SEMA6D: variants seen among roughly 807,000 people sequenced by gnomAD.
SEMA6D encodes semaphorin-6D.
In SEMA6D, 35 loss-of-function variants were observed where a neutral mutation model predicts 106.6. The observed-to-expected ratio is 0.33, with a 90% CI of 0.25 to 0.44. SEMA6D has a LOEUF of 0.44. Ranked by LOEUF, SEMA6D falls within the 20% of genes least tolerant of loss-of-function variation. The pLI, the probability that SEMA6D is intolerant of heterozygous loss-of-function variation, is 1.00. For missense variants in SEMA6D, 1,185 were observed against 1,345.9 expected (o/e 0.88, Z 1.87); for synonymous variants, 499 against 487.7 (o/e 1.02, Z -0.31).
chr15:47,245,076 C>T (rs2033130234), intron 1 of SEMA6D, among the ~76,000 whole-genome samples: 1 of 151,654 alleles, frequency 6.6e-6, no homozygotes, highest in African/African-American at 2.4e-5. Context: ...ATATACTTAC[C>T]ACATTTTCTT....
chr15:47,643,107 A>G (rs1384038913), intron 4 of SEMA6D, among the ~76,000 whole-genome samples: 1 of 152,186 alleles, frequency 6.6e-6, no homozygotes, highest in Non-Finnish European at 1.5e-5. Flanking sequence ...ACATGAGGAA[A>G]GGAGGTGTAA....
intron 1 of SEMA6D, among the ~76,000 whole-genome samples, chr15:47,269,305 A>T (rs1159781524): frequency 6.6e-6 from 1 of 151,998 alleles, no homozygotes; most frequent in South Asian, 2.1e-4. Flanking sequence ...AGTGCACCAG[A>T]TGAGCTCTAT....
chr15:47,528,287 G>T (rs954591902), intron 3 of SEMA6D, among the ~76,000 whole-genome samples: 2 of 152,182 alleles, frequency 1.3e-5, no homozygotes, highest in African/African-American at 2.4e-5. Flanking sequence ...ACTAAGATGA[G>T]AATTCCCAAG....
chr15:47,379,686 A>G (rs1194059998), intron 1 of SEMA6D, among the ~76,000 whole-genome samples: 1 of 152,226 alleles, frequency 6.6e-6, no homozygotes, highest in East Asian at 1.9e-4. Flanking sequence ...AATGAGAGAA[A>G]TAGTCTTCAC....
chr15:47,506,187 A>G (rs978320505), intron 3 of SEMA6D, among the ~76,000 whole-genome samples: 79 of 152,226 alleles, frequency 5.2e-4, no homozygotes, highest in African/African-American at 1.8e-3. Context: ...CTCCAGGGAG[A>G]AAATTTCCTG....
At chr15:47,495,366 C>T (rs924178353) in intron 3 of SEMA6D, among the ~76,000 whole-genome samples, 3 of 151,900 alleles carry the variant, frequency 2.0e-5, no homozygotes, top group African/African-American at 7.3e-5. Context: ...ACTCATGGAG[C>T]TGATTCAACT....
chr15:47,423,262 A>G (rs1422576473), intron 2 of SEMA6D, among the ~76,000 whole-genome samples: 1 of 152,132 alleles, frequency 6.6e-6, no homozygotes, highest in African/African-American at 2.4e-5. Context: ...ATAGAGACTC[A>G]CACAAGTGTA....
chr15:47,579,971 C>T (rs1418339811), intron 3 of SEMA6D, among the ~76,000 whole-genome samples: 2 of 152,110 alleles, frequency 1.3e-5, no homozygotes. Context: ...AAGAGCATTC[C>T]TGAGCTCTTT....
At chr15:47,243,230 A>G (rs895758761) in intron 1 of SEMA6D, among the ~76,000 whole-genome samples, 3 of 152,146 alleles carry the variant, frequency 2.0e-5, no homozygotes, top group African/African-American at 7.2e-5. Context: ...AACCTAGACT[A>G]GGAAAGTTCA....
intron 1 of SEMA6D, among the ~76,000 whole-genome samples, chr15:47,323,884 G>C (rs922636421): frequency 3.3e-5 from 5 of 151,876 alleles, no homozygotes; most frequent in African/African-American, 1.2e-4. Context: ...GAGTCAAACT[G>C]CTTTCTGAGT....
intron 1 of SEMA6D, among the ~76,000 whole-genome samples, chr15:47,366,644 G>T (rs545031693): frequency 1.7e-4 from 26 of 152,166 alleles, no homozygotes; most frequent in Non-Finnish European, 2.8e-4. Context: ...GGTCTTGAGG[G>T]ATGAGTTGAT....
At chr15:47,709,269 C>T (rs1353576828) in intron 4 of SEMA6D, among the ~76,000 whole-genome samples, 1 of 152,124 alleles carries the variant, frequency 6.6e-6, no homozygotes, top group Admixed American at 6.5e-5. Context: ...TTACCTCCCC[C>T]ATCTGGCTCC....
intron 1 of SEMA6D, among the ~76,000 whole-genome samples, chr15:47,309,495 A>G (rs1238733155): frequency 1.3e-5 from 2 of 152,184 alleles, no homozygotes; most frequent in Non-Finnish European, 2.9e-5. Flanking sequence ...GATACTGGAA[A>G]TTTGGAAATG....
intron 1 of SEMA6D, among the ~76,000 whole-genome samples, chr15:47,371,063 C>G (rs2039255653): frequency 6.6e-6 from 1 of 152,158 alleles, no homozygotes; most frequent in African/African-American, 2.4e-5. Context: ...CCAAATGAAA[C>G]AAGGAATGCC....
intron 3 of SEMA6D, among the ~76,000 whole-genome samples, chr15:47,541,998 A>C (rs1414948345): frequency 6.6e-6 from 1 of 152,186 alleles, no homozygotes; most frequent in Non-Finnish European, 1.5e-5. Context: ...CCTTAAAAAA[A>C]CTGTTATATA....
chr15:47,765,021 A>G lies in SEMA6D; in HGVS notation c.1392A>G (p.Val464=). The change falls in exon 13 of 19, where the codon GTA becomes GTG. Residue 464 remains valine (V), a synonymous_variant. Coordinates refer to ENST00000536845, the MANE Select transcript of SEMA6D (RefSeq NM_001358351.3). ...GTCCTTTCTCTTTGAACGACAGCGT[A>G]TTACTGGAAGAGATTGAAGCCTACA... The part of the protein sequence containing the change: ...KTSPFSLNDS[V]LLEEIEAYNH... The G allele has an allele frequency of 6.2e-7, 1 of 1,613,876 alleles. No individual in the cohort carries two copies. Among genetic ancestry groups the G allele is most frequent in the Non-Finnish European group, 8.5e-7 (1 of 1,179,814 alleles).
Position 47,412,813 on chromosome 15 carries a change from A to G in SEMA6D, c.-159+341A>G, listed in dbSNP as rs555716880. On this transcript the variant is annotated intron_variant, in intron 2 of 19. Transcript: ENST00000558014. ...CAAAGAGACACAGAGTTTAAGATCA[A>G]TGGGGAGAAAGAAAGGGAAAATGAC... Among the ~76,000 whole-genome samples, 5 of 152,322 alleles carry G rather than the reference A, an allele frequency of 3.3e-5. No homozygotes were observed. The South Asian group carries it at 6.2e-4, about 19-fold the overall frequency.
intron 1 of SEMA6D, among the ~76,000 whole-genome samples, chr15:47,733,284 T>C (rs1015149324): frequency 2.0e-5 from 3 of 152,192 alleles, no homozygotes; most frequent in African/African-American, 7.2e-5. Flanking sequence ...CTGTCCTGTT[T>C]AACCTCTTTT....
intron 1 of SEMA6D, among the ~76,000 whole-genome samples, chr15:47,352,722 G>A (rs768215369): frequency 6.6e-6 from 1 of 152,182 alleles, no homozygotes; most frequent in East Asian, 1.9e-4. Context: ...TTAGTTGATT[G>A]ACAGTTTTTA....
Sources: allele counts gnomAD v4.1 joint callset (sites outside exome capture counted in the v4.1 genomes callset), GRCh38; gene constraint gnomAD v4.1.1; transcripts MANE v1.5; gene names NCBI Gene and HGNC (gene_info 2026-07-23, HGNC 2026-07-21).